Variants in TNFRSF10D observed in about 807,000 individuals in gnomAD.
TNFRSF10D encodes the protein tumor necrosis factor receptor superfamily member 10D.
In TNFRSF10D, 28 loss-of-function variants were observed where a neutral mutation model predicts 42.1. The ratio of observed to expected loss-of-function variants is 0.66; its 90% CI spans 0.49 to 0.91. The LOEUF is 0.91. TNFRSF10D is among the 40% of genes least tolerant of loss of function. The pLI is 0.00. For missense variants in TNFRSF10D, 503 were observed against 486.1 expected, an observed-to-expected ratio of 1.03 and a Z score of -0.33; for synonymous variants, 186 against 189.4, an observed-to-expected ratio of 0.98 and a Z score of 0.15.
At chr8:23,143,881 A>G (rs114962302) in intron 7 of TNFRSF10D, among the ~76,000 whole-genome samples, 914 of 152,182 alleles carry the variant, frequency 6.0e-3, no homozygotes, top group African/African-American at 0.019. Context: ...AAAAAAACAA[A>G]TGTGTGTCCA....
chr8:23,154,935 G>C lies in TNFRSF10D; in HGVS notation c.195C>G (p.Pro65=), dbSNP rs1211209104. The C allele has an allele frequency of 2.5e-6, 4 of 1,613,746 alleles. No homozygotes were observed. Among genetic ancestry groups the C allele is most frequent in the Non-Finnish European group, 3.4e-6 (4 of 1,179,840 alleles). The part of the protein sequence containing the change: ...SATIPRQDEV[P]QQTVAPQQQR... ...GTTGCTGTGGGGCCACTGTCTGCTG[G>C]GGAACTTCGTCCTGCCGGGGGATGG... The change falls in exon 2 of 9, where the codon CCC becomes CCG. Residue 65 remains proline (P), a synonymous_variant. Transcript: ENST00000312584.
intron 7 of TNFRSF10D, among the ~76,000 whole-genome samples, chr8:23,144,104 C>T (rs1176627690): frequency 2.0e-5 from 3 of 152,208 alleles, no homozygotes; most frequent in African/African-American, 4.8e-5. Context: ...ACATTTAAAA[C>T]TTCCGCTGTT....
rs1814358692 is a variant in TNFRSF10D, at chr8:23,137,696, A to G, written c.*174T>C. On this transcript the variant is annotated 3_prime_UTR_variant, in exon 9 of 9. Transcript: ENST00000312584. Reference sequence around the variant, plus strand: ...TTGCTTATCACACGCAGTATTTCATAAAAATTACTCCAAGTGCGTTAACAA... The same window carrying G: ...TTGCTTATCACACGCAGTATTTCATGAAAATTACTCCAAGTGCGTTAACAA... 2.7e-6 allele frequency: 2 copies of G among 741,580 alleles called. No individual in the cohort carries two copies. The highest frequency in any genetic ancestry group is 4.8e-5 in the South Asian group (2 of 41,280). 45.9% of individuals were successfully genotyped at this position (741,580 alleles called of 1,614,324 possible).
chr8:23,154,125 A>G (rs1476275092), intron 2 of TNFRSF10D, among the ~76,000 whole-genome samples: 1 of 152,246 alleles, frequency 6.6e-6, no homozygotes, highest in Non-Finnish European at 1.5e-5. Context: ...GCACAGAGAG[A>G]CAAACACCTC....
chr8:23,154,056 C>A (rs1274568645), intron 2 of TNFRSF10D, among the ~76,000 whole-genome samples: 1 of 152,214 alleles, frequency 6.6e-6, no homozygotes, highest in Non-Finnish European at 1.5e-5. Flanking sequence ...GAAGGAAATT[C>A]TGTCATTTGT....
chr8:23,158,334 G>A (rs113274078), intron 1 of TNFRSF10D, among the ~76,000 whole-genome samples: 821 of 152,140 alleles, frequency 5.4e-3, no homozygotes, highest in African/African-American at 0.018. Flanking sequence ...CTCGTCCACC[G>A]CTAACAAAAT....
Position 23,145,295 on chromosome 8 carries a change from A to G in TNFRSF10D, c.737-206T>C, listed in dbSNP as rs1417827619. On this transcript the variant is annotated intron_variant, in intron 5 of 8. Transcript: ENST00000312584. ...AACTAGAGTAAAAACCAACACGTGGAAAATCTCTGTGTTCTGCTCTGACCA... is the reference window on the plus strand; with the variant it reads ...AACTAGAGTAAAAACCAACACGTGGGAAATCTCTGTGTTCTGCTCTGACCA... Among the ~76,000 whole-genome samples, 502 of 152,298 alleles carry G rather than the reference A, an allele frequency of 3.3e-3. 4 individuals are homozygous for G. The highest frequency in any genetic ancestry group is 0.012 in the African/African-American group (481 of 41,564).
At chr8:23,150,351 T>C (rs1056659620) in intron 2 of TNFRSF10D, among the ~76,000 whole-genome samples, 1 of 152,136 alleles carries the variant, frequency 6.6e-6, no homozygotes, top group Non-Finnish European at 1.5e-5. Flanking sequence ...CTGACCACCC[T>C]TGAACCACAC....
rs546919951 is a variant in TNFRSF10D at position 23,147,143 on chromosome 8, A to C, written c.371-71T>G. ...TCTGTCCACCCTTCCTCACCACCCC[A>C]TCCCCTCCCACTCAGCTCAACTCAG... On this transcript the variant is annotated intron_variant, in intron 3 of 8. Transcript: ENST00000312584. 3.9e-6 allele frequency: 5 copies of C among 1,281,902 alleles called. No individual in the cohort carries two copies. The African/African-American group carries it at 7.4e-5, about 19-fold the overall frequency. The allele number at this position is 1,281,902 out of a possible 1,614,324, so 79.4% of individuals were successfully genotyped here.
chr8:23,161,031 A>G (rs1462068141), intron 1 of TNFRSF10D, among the ~76,000 whole-genome samples: 793 of 151,996 alleles, frequency 5.2e-3, no homozygotes, highest in African/African-American at 0.016. Flanking sequence ...ATGGAGGTGC[A>G]AGTAGGAACA....
At chr8:23,152,503 G>T (rs185646662) in intron 2 of TNFRSF10D, among the ~76,000 whole-genome samples, 946 of 152,248 alleles carry the variant, frequency 6.2e-3, no homozygotes, top group African/African-American at 0.019. Context: ...TGTTGGGTTT[G>T]GGGTCAGGGA....
chr8:23,162,274 G>A (rs1268804956), intron 1 of TNFRSF10D, among the ~76,000 whole-genome samples: 1 of 152,172 alleles, frequency 6.6e-6, no homozygotes, highest in Admixed American at 6.5e-5. Context: ...TGAAATTCAG[G>A]TTGCTGGTCT....
At chr8:23,159,600 A>G (rs1388174408) in intron 1 of TNFRSF10D, among the ~76,000 whole-genome samples, 1 of 152,174 alleles carries the variant, frequency 6.6e-6, no homozygotes, top group Non-Finnish European at 1.5e-5. Flanking sequence ...ATGGTGGCAC[A>G]CACCTGTAAT....
intron 6 of TNFRSF10D, 136 bp downstream of exon 6, chr8:23,144,922 G>T: frequency 3.0e-6 from 4 of 1,349,958 alleles, no homozygotes; most frequent in Non-Finnish European, 3.2e-6. Context: ...CCCACAGTCA[G>T]CCCAGATCCC....
intron 7 of TNFRSF10D, among the ~76,000 whole-genome samples, chr8:23,144,162 G>A (rs1330076391): frequency 1.3e-5 from 2 of 152,250 alleles, no homozygotes; most frequent in Non-Finnish European, 2.9e-5. Flanking sequence ...GATGGAGACT[G>A]TGCAGCCTTA....
At position 23,154,905 on chromosome 8, in the gene TNFRSF10D, C is replaced by G. The variant is rs758323609; in HGVS notation, c.225G>C (p.Arg75Ser). 6.2e-7 allele frequency: 1 copy of G among 1,613,982 alleles called. No individual in the cohort carries two copies. Among genetic ancestry groups the G allele is most frequent in the South Asian group, 1.1e-5 (1 of 91,030 alleles). Residue 75 changes from arginine to serine, a missense_variant, in exon 2 of 9, where the codon AGG becomes AGC. Arg to Ser is a moderately radical substitution (Grantham distance 110, BLOSUM62 -1). Coordinates refer to ENST00000312584, the MANE Select transcript of TNFRSF10D (RefSeq NM_003840.5). ...GACACTCCTCCTCCTTGAGGCTGCGCCTCTGTTGCTGTGGGGCCACTGTCT... is the reference window on the plus strand; with the variant it reads ...GACACTCCTCCTCCTTGAGGCTGCGGCTCTGTTGCTGTGGGGCCACTGTCT... Reference protein sequence around the residue: ...PQQTVAPQQQRRSLKEEECPA... With the variant: ...PQQTVAPQQQSRSLKEEECPA...
chr8:23,151,975 G>A (rs183868144), intron 2 of TNFRSF10D, among the ~76,000 whole-genome samples: 4 of 152,310 alleles, frequency 2.6e-5, no homozygotes, highest in African/African-American at 9.6e-5. Context: ...ATTTGTCCCG[G>A]TGGACTGTCT....
rs542268675 is a variant in TNFRSF10D, at chr8:23,163,896, C to G, written c.40G>C (p.Ala14Pro). The G allele has an allele frequency of 5.7e-6, 9 of 1,591,120 alleles. No homozygotes were observed. Among genetic ancestry groups the G allele is most frequent in the African/African-American group, 1.4e-5 (1 of 72,650 alleles). ...GCTCCTGGATAGCGCCCTGCTCGAG[C>G]GCTCGAGGCGGTCGGGACGCTTTGT... Reference protein sequence around the residue: ...WGQSVPTASSARAGRYPGART... With the variant: ...WGQSVPTASSPRAGRYPGART... Residue 14 changes from alanine (A) to proline (P), a missense_variant, in exon 1 of 9, where the codon GCT becomes CCT. Ala to Pro is a conservative substitution (Grantham distance 27). Coordinates refer to ENST00000312584, the MANE Select transcript of TNFRSF10D (RefSeq NM_003840.5).
At position 23,151,647 on chromosome 8, in the gene TNFRSF10D, C is replaced by T. The variant is rs548913403; in HGVS notation, c.257-3096G>A. ...TAAAAAGACGTAAATAATGACAAAA[C>T]ATAAAATAAGGCAGGAGAAGAAAAG... is the stretch of plus-strand genomic sequence containing the variant. On this transcript the variant is annotated intron_variant, in intron 2 of 8. Coordinates refer to ENST00000312584, the MANE Select transcript of TNFRSF10D (RefSeq NM_003840.5). Among the ~76,000 whole-genome samples the T allele has an allele frequency of 4.0e-4, 61 of 152,172 alleles. 1 individual carries two copies. The highest frequency in any genetic ancestry group is 1.3e-3 in the African/African-American group (56 of 41,516).
Sources: gnomAD v4.1 joint callset for allele counts (sites outside exome capture counted in the v4.1 genomes callset) on GRCh38, gnomAD v4.1.1 for gene constraint, MANE v1.5 for transcripts, NCBI Gene and HGNC (gene_info 2026-07-23, HGNC 2026-07-21) for gene names.